COMMD10: variants seen among roughly 807,000 people sequenced by gnomAD.
The protein encoded by COMMD10 is COMM domain containing 10.
A neutral mutation model predicts 28.9 loss-of-function variants in COMMD10; 33 were observed. The observed-to-expected ratio is 1.14, with a 90% CI of 0.87 to 1.53. COMMD10 has a LOEUF of 1.53. Among genes scored for constraint, COMMD10 ranks in the 40% most tolerant of loss-of-function variants. COMMD10 has a pLI of 0.00. For missense variants in COMMD10, 310 were observed against 233.4 expected (o/e 1.33, Z -2.14); for synonymous variants, 110 against 81.7 (o/e 1.35, Z -1.87).
At chr5:116,218,085 C>G in intron 5 of COMMD10, 1 of 1,280,706 alleles carries the variant, frequency 7.8e-7, no homozygotes, top group Non-Finnish European at 1.1e-6. Context: ...TCTCCATTTT[C>G]TGCAGGGTTA....
chr5:116,150,024 A>G lies in COMMD10; in HGVS notation c.510+15846A>G, dbSNP rs572774267. 9.2e-5 allele frequency among the ~76,000 whole-genome samples: 14 copies of G among 152,132 alleles called. No individual in the cohort carries two copies. The South Asian group carries it at 1.5e-3, about 16-fold the overall frequency. On this transcript the variant is annotated intron_variant, in intron 5 of 6. Coordinates refer to ENST00000274458, the MANE Select transcript of COMMD10 (RefSeq NM_016144.4). The stretch of plus-strand genomic sequence containing the variant: ...TTAAGTCTTTAATCCATCTTGAATT[A>G]ATTTTTGTATAAGGTGTAAGGAAGG...
intron 5 of COMMD10, 142 bp downstream of exon 5, chr5:116,134,320 A>G (rs2271225): frequency 0.064 from 35,170 of 549,772 alleles, 1,421 homozygotes; most frequent in East Asian, 0.14. Context: ...CTTTTTTGAC[A>G]GAAATAGCTT....
At chr5:116,131,947 G>A (rs141469694) in intron 4 of COMMD10, among the ~76,000 whole-genome samples, 16 of 152,122 alleles carry the variant, frequency 1.1e-4, no homozygotes, top group East Asian at 3.9e-4. Context: ...GTTTTAGAAC[G>A]TAGGAGTGGA....
chr5:116,109,552 C>T (rs1334772662), intron 4 of COMMD10, among the ~76,000 whole-genome samples: 1 of 152,216 alleles, frequency 6.6e-6, no homozygotes, highest in Non-Finnish European at 1.5e-5. Context: ...CGAGATAGTG[C>T]CACTGCACTC....
At chr5:116,096,856 A>C (rs963061606) in intron 4 of COMMD10, among the ~76,000 whole-genome samples, 4 of 151,986 alleles carry the variant, frequency 2.6e-5, no homozygotes, top group African/African-American at 9.7e-5. Flanking sequence ...ATAGATTTTA[A>C]GCTTTCCATT....
intron 4 of COMMD10, among the ~76,000 whole-genome samples, chr5:116,113,898 G>C (rs1242998319): frequency 6.6e-6 from 1 of 151,866 alleles, no homozygotes; most frequent in African/African-American, 2.4e-5. Context: ...AGCACATCTG[G>C]AACAATTGCT....
intron 5 of COMMD10, among the ~76,000 whole-genome samples, chr5:116,239,015 GA>G (rs1478603646): frequency 6.6e-6 from 1 of 151,300 alleles, no homozygotes; most frequent in Non-Finnish European, 1.5e-5. Flanking sequence ...TCAACAAGTT[GA>G]TTTTTTTTTA....
At chr5:116,093,214 T>G (rs905207520) in intron 4 of COMMD10, among the ~76,000 whole-genome samples, 2 of 152,084 alleles carry the variant, frequency 1.3e-5, no homozygotes, top group African/African-American at 4.8e-5. Context: ...GATATTCCTG[T>G]TTTTGGAGGC....
At chr5:116,182,853 A>G (rs1213691276) in intron 5 of COMMD10, among the ~76,000 whole-genome samples, 4 of 152,102 alleles carry the variant, frequency 2.6e-5, no homozygotes. Flanking sequence ...TAATTGGATC[A>G]TGGGGGCAGT....
intron 5 of COMMD10, among the ~76,000 whole-genome samples, chr5:116,178,127 A>G (rs1014940575): frequency 2.6e-5 from 4 of 152,162 alleles, no homozygotes; most frequent in African/African-American, 9.6e-5. Context: ...TATGATAGAT[A>G]AAGCAAGTTA....
intron 5 of COMMD10, among the ~76,000 whole-genome samples, chr5:116,141,541 A>G (rs1004634259): frequency 1.3e-5 from 2 of 151,802 alleles, no homozygotes; most frequent in African/African-American, 4.8e-5. Flanking sequence ...CAATTCATGA[A>G]CGTGGGATAT....
intron 5 of COMMD10, among the ~76,000 whole-genome samples, chr5:116,158,869 C>A (rs949013440): frequency 6.6e-6 from 1 of 151,090 alleles, no homozygotes; most frequent in East Asian, 1.9e-4. Flanking sequence ...TTTTCCCCCC[C>A]TGAGGTCAGA....
intron 5 of COMMD10, among the ~76,000 whole-genome samples, chr5:116,276,717 T>G (rs1750922733): frequency 6.6e-6 from 1 of 151,800 alleles, no homozygotes; most frequent in African/African-American, 2.4e-5. Context: ...ACAACATGGA[T>G]ACATCTCAAA....
intron 5 of COMMD10, among the ~76,000 whole-genome samples, chr5:116,235,381 T>C (rs1361443593): frequency 1.3e-5 from 2 of 152,218 alleles, no homozygotes; most frequent in East Asian, 3.8e-4. Context: ...AGTTGCTTTC[T>C]TGAACAGTTG....
intron 5 of COMMD10, among the ~76,000 whole-genome samples, chr5:116,219,681 T>C (rs916800900): frequency 1.3e-5 from 2 of 152,162 alleles, no homozygotes; most frequent in Non-Finnish European, 2.9e-5. Flanking sequence ...TGTGAGGGAA[T>C]ATATTTCTTT....
At chr5:116,273,021 A>C (rs982892504) in intron 5 of COMMD10, among the ~76,000 whole-genome samples, 4 of 151,832 alleles carry the variant, frequency 2.6e-5, no homozygotes, top group South Asian at 2.1e-4. Flanking sequence ...GTCTCCATCA[A>C]GTCTTTATAA....
At chr5:116,276,610 A>G (rs1043863419) in intron 5 of COMMD10, among the ~76,000 whole-genome samples, 2 of 152,008 alleles carry the variant, frequency 1.3e-5, no homozygotes, top group East Asian at 1.9e-4. Flanking sequence ...TGTGTCATAC[A>G]TGATTTTTTT....
chr5:116,226,413 T>A (rs1208453014), intron 5 of COMMD10, among the ~76,000 whole-genome samples: 3 of 108,098 alleles, frequency 2.8e-5, no homozygotes, highest in Non-Finnish European at 6.0e-5. Flanking sequence ...ACTTTGTACT[T>A]CCCTTTTTTT....
At chr5:116,154,652 G>A (rs1752646377) in intron 5 of COMMD10, among the ~76,000 whole-genome samples, 1 of 152,084 alleles carries the variant, frequency 6.6e-6, no homozygotes, top group African/African-American at 2.4e-5. Flanking sequence ...TTGGCCCAAA[G>A]TCGTATACAT....
Sources: allele counts gnomAD v4.1 joint callset (sites outside exome capture counted in the v4.1 genomes callset), GRCh38; gene constraint gnomAD v4.1.1; transcripts MANE v1.5; gene names NCBI Gene and HGNC (gene_info 2026-07-23, HGNC 2026-07-21).